The following PFKFB3 variants were observed in gnomAD, a reference collection of about 807,000 sequenced individuals.
PFKFB3 encodes the protein 6-phosphofructo-2-kinase/fructose-2,6-bisphosphatase 3.
Under a neutral mutation model 68.0 loss-of-function variants are expected in PFKFB3, and 33 were observed. The observed-to-expected ratio is 0.49, with a 90% confidence interval of 0.37 to 0.65. The LOEUF (loss-of-function observed/expected upper bound fraction) is 0.65, where lower values mean the gene tolerates loss of function less well. Ranked by LOEUF, PFKFB3 falls within the 30% of genes least tolerant of loss-of-function variation. The probability of loss-of-function intolerance (pLI) is 0.00; values close to 1 mark genes in which losing one functional copy is unlikely to be tolerated. For synonymous variants in PFKFB3, 315 were observed against 288.2 expected (o/e 1.09, Z -0.94); for missense variants, 586 against 712.2 (o/e 0.82, Z 2.02).
chr10:6,256,256 A>G (rs1247789596), downstream of PFKFB3, among the ~76,000 whole-genome samples: 4 of 152,116 alleles, frequency 2.6e-5, no homozygotes, highest in African/African-American at 9.7e-5. Context: ...AGTACTCCTA[A>G]ACCAGAGGAC....
the PFKFB3 span, among the ~76,000 whole-genome samples, chr10:6,322,011 CTG>C: frequency 6.6e-6 from 1 of 152,220 alleles, no homozygotes; most frequent in Non-Finnish European, 1.5e-5. Flanking sequence ...ATCCATGTAA[CTG>C]TGACTTCTAA....
the PFKFB3 span, among the ~76,000 whole-genome samples, chr10:6,296,249 T>A: frequency 6.6e-6 from 1 of 152,032 alleles, no homozygotes; most frequent in Non-Finnish European, 1.5e-5. Context: ...AATGTAAGTT[T>A]GTAGACTGAG....
At chr10:6,270,143 CAAACA>C in the PFKFB3 span, among the ~76,000 whole-genome samples, 3 of 152,130 alleles carry the variant, frequency 2.0e-5, no homozygotes, top group East Asian at 5.8e-4. Flanking sequence ...CAAAAACAAA[CAAACA>C]AAACAAAACA....
At chr10:6,146,143 TG>T (rs1564580273) in intron 1 of PFKFB3, 101 of 777,646 alleles carry the variant, frequency 1.3e-4, no homozygotes, top group Non-Finnish European at 1.5e-4. Context: ...GGGGTGTGTG[TG>T]GGGGGAGCCT....
chr10:6,284,013 C>T, the PFKFB3 span, among the ~76,000 whole-genome samples: 2 of 152,174 alleles, frequency 1.3e-5, no homozygotes, highest in South Asian at 2.1e-4. Context: ...CCTCCTCTCT[C>T]CTTGTGAGTT....
At chr10:6,183,630 T>C (rs1842784617) in intron 1 of PFKFB3, among the ~76,000 whole-genome samples, 1 of 147,398 alleles carries the variant, frequency 6.8e-6, no homozygotes, top group African/African-American at 2.5e-5. Context: ...TATATATATA[T>C]ATGTATATAA....
chr10:6,223,617 C>T (rs977081957), intron 11 of PFKFB3, among the ~76,000 whole-genome samples: 3 of 152,192 alleles, frequency 2.0e-5, no homozygotes, highest in African/African-American at 7.2e-5. Flanking sequence ...CTCCCCCACC[C>T]TCATGTCTCA....
downstream of PFKFB3, among the ~76,000 whole-genome samples, chr10:6,238,477 CAAAAAAAA>C (rs71390201): frequency 1.1e-5 from 1 of 89,556 alleles, no homozygotes; most frequent in African/African-American, 6.9e-5. Flanking sequence ...GGTGCCATCT[CAAAAAAAA>C]AAAAAAAAAA....
the PFKFB3 span, among the ~76,000 whole-genome samples, chr10:6,319,131 T>C: frequency 6.6e-6 from 1 of 152,184 alleles, no homozygotes; most frequent in Non-Finnish European, 1.5e-5. Flanking sequence ...AAAATAGGAC[T>C]ACCATTTGAT....
chr10:6,202,081 CTA>C (rs1843381231), upstream of PFKFB3, among the ~76,000 whole-genome samples: 1 of 152,162 alleles, frequency 6.6e-6, no homozygotes, highest in East Asian at 1.9e-4. Context: ...CGAAATGGGT[CTA>C]GTTTTATTCA....
chr10:6,181,700 G>T (rs113343518), intron 1 of PFKFB3, among the ~76,000 whole-genome samples: 1,577 of 151,634 alleles, frequency 0.01, 19 homozygotes, highest in Middle Eastern at 0.038. Flanking sequence ...CAGGAGGCTA[G>T]GGTGGGAGGA....
At chr10:6,311,208 C>T in the PFKFB3 span, among the ~76,000 whole-genome samples, 1 of 152,182 alleles carries the variant, frequency 6.6e-6, no homozygotes, top group Non-Finnish European at 1.5e-5. Flanking sequence ...ATTCACAGCC[C>T]TTTCTCAGAT....
chr10:6,228,176 T>G lies in PFKFB3; in HGVS notation c.1515+1811T>G. The G allele has an allele frequency of 6.2e-7, 1 of 1,612,790 alleles. No homozygotes were observed. Among genetic ancestry groups the G allele is most frequent in the South Asian group, 1.1e-5 (1 of 91,088 alleles). On this transcript the variant is annotated intron_variant, in intron 14 of 14. Transcript: ENST00000379775. This position sits in a 1 kb window ranked among gnomAD's most constrained non-coding sequence, Gnocchi z 4.5. ...CGCCCTGCCTCCTGACTGACTTCTC[T>G]CTCTGCTTCTCCTCCGCAGCCTTTG...
the PFKFB3 span, among the ~76,000 whole-genome samples, chr10:6,260,550 GCTT>G: frequency 6.6e-6 from 1 of 151,876 alleles, no homozygotes; most frequent in Non-Finnish European, 1.5e-5. Flanking sequence ...TGGCTTCTCT[GCTT>G]CTTTTTATAG....
intron 1 of PFKFB3, among the ~76,000 whole-genome samples, chr10:6,203,916 TTCTCTCTCTTCC>T (rs1843510659): frequency 6.7e-6 from 1 of 149,954 alleles, no homozygotes; most frequent in Non-Finnish European, 1.5e-5. Flanking sequence ...TTCTCTCTCC[TTCTCTCTCTTCC>T]GTGCATCTCC....
intron 1 of PFKFB3, among the ~76,000 whole-genome samples, chr10:6,150,556 G>A (rs535856652): frequency 2.1e-4 from 32 of 152,104 alleles, no homozygotes; most frequent in Non-Finnish European, 1.6e-4. Flanking sequence ...CCTAGGAGGC[G>A]GAGGTTGTGG....
At chr10:6,277,449 G>A in the PFKFB3 span, among the ~76,000 whole-genome samples, 2 of 152,020 alleles carry the variant, frequency 1.3e-5, no homozygotes, top group Non-Finnish European at 2.9e-5. Context: ...TTGAACTCCT[G>A]TCCTCAAGTG....
At chr10:6,237,072 C>T (rs566233276), downstream of PFKFB3, among the ~76,000 whole-genome samples, 54 of 152,344 alleles carry the variant, frequency 3.5e-4, no homozygotes, top group Admixed American at 1.7e-3. Flanking sequence ...GTGCACCCAC[C>T]GCAGGGCCTT....
At chr10:6,205,409 T>TC (rs1843618440) in intron 1 of PFKFB3, among the ~76,000 whole-genome samples, 1 of 134,594 alleles carries the variant, frequency 7.4e-6, no homozygotes, top group African/African-American at 2.7e-5. Flanking sequence ...TTTTTTTTTT[T>TC]TGACATGGCG....
Sources: gnomAD v4.1 joint callset for allele counts (sites outside exome capture counted in the v4.1 genomes callset) on GRCh38, gnomAD v4.1.1 for gene constraint, Gnocchi (gnomAD v3.1) non-coding constraint, MANE v1.5 for transcripts, NCBI Gene and HGNC (gene_info 2026-07-23, HGNC 2026-07-21) for gene names.